The following BANP variants were observed in gnomAD, a reference collection of about 807,000 sequenced individuals.
BANP encodes the protein BTG3 associated nuclear protein.
A neutral mutation model predicts 68.1 loss-of-function variants in BANP; 11 were observed. The ratio of observed to expected loss-of-function variants is 0.16; its 90% CI spans 0.10 to 0.27. The LOEUF (loss-of-function observed/expected upper bound fraction) is 0.27. BANP is among the 10% of genes least tolerant of loss of function. The pLI is 1.00. For missense variants in BANP, 504 were observed against 722.7 expected (o/e 0.70, Z 3.47); for synonymous variants, 329 against 303.2 (o/e 1.09, Z -0.88).
intron 1 of BANP, among the ~76,000 whole-genome samples, chr16:87,967,463 ATTTG>A (rs1466194368): frequency 6.6e-6 from 1 of 150,600 alleles, no homozygotes; most frequent in African/African-American, 2.4e-5. Flanking sequence ...TTGGTTTTTG[ATTTG>A]TTTTTTTGAG....
Position 88,059,142 on chromosome 16 carries a change from C to T in BANP, c.1312-6125C>T, listed in dbSNP as rs1330102276. Among the ~76,000 whole-genome samples, 4 of 149,130 alleles carry T rather than the reference C, an allele frequency of 2.7e-5. No homozygotes were observed. In the South Asian group the frequency reaches 6.5e-4, roughly 24 times the overall value. Reference sequence around the variant, plus strand: ...GTGCTCCTGCTGGTGTGCTGAGGTCCGTGCTCCTGCTGGTGTGCTGTGGTC... The same window carrying T: ...GTGCTCCTGCTGGTGTGCTGAGGTCTGTGCTCCTGCTGGTGTGCTGTGGTC... On this transcript the variant is annotated intron_variant, in intron 11 of 13. Transcript: ENST00000682872.
At position 87,969,656 on chromosome 16, in the gene BANP, C is replaced by T. The variant is rs924365662; in HGVS notation, c.-68-5392C>T. Among the ~76,000 whole-genome samples, 6 of 152,010 alleles carry T rather than the reference C, an allele frequency of 3.9e-5. No individual in the cohort carries two copies. In the East Asian group the frequency reaches 7.8e-4, roughly 20 times the overall value. The stretch of plus-strand genomic sequence containing the variant: ...CAAGCGATTCTCCTGCCTCAGCCTC[C>T]TCAGTAGCTGGGATTACAGGCACGC... On this transcript the variant is annotated intron_variant, in intron 1 of 13. Coordinates refer to ENST00000682872, the MANE Select transcript of BANP (RefSeq NM_001386991.1).
rs2075217570 is a variant in BANP, at chr16:88,018,894, C to T, written c.895+227C>T. On this transcript the variant is annotated intron_variant, in intron 7 of 13. Transcript: ENST00000682872. This position sits in a 1 kb window ranked among gnomAD's most constrained non-coding sequence, Gnocchi z 7.7. ...CCGCACCAAAATACCTCATATACCC[C>T]ATCATATATATACCTACTGTGTACC... Among the ~76,000 whole-genome samples, 1 of 152,220 alleles carries T rather than the reference C, an allele frequency of 6.6e-6. No individual in the cohort carries two copies. The highest frequency in any genetic ancestry group is 6.5e-5 in the Admixed American group (1 of 15,288).
chr16:88,022,442 T>C (rs1160468579), intron 7 of BANP, among the ~76,000 whole-genome samples: 2 of 152,242 alleles, frequency 1.3e-5, no homozygotes, highest in Non-Finnish European at 2.9e-5. Context: ...TAAAAAGTTA[T>C]GCTTTCAGGG....
At chr16:87,971,624 C>CTTGGTGTTGTATCTTGGTGTTG (rs2061149092) in intron 1 of BANP, among the ~76,000 whole-genome samples, 1 of 149,866 alleles carries the variant, frequency 6.7e-6, no homozygotes, top group Non-Finnish European at 1.5e-5. Context: ...TCTTGGTGTT[C>CTTGGTGTTGTATCTTGGTGTTG]TGTCTTGGTG....
rs150337352 is a variant in BANP at position 87,954,089 on chromosome 16, C to G, written c.-69+2574C>G. Reference sequence around the variant, plus strand: ...GTTCCCTTGTTCTGTCTGAGAAGTTCTTCCTCTCCAGCTCTGCTCTTCTGT... The same window carrying G: ...GTTCCCTTGTTCTGTCTGAGAAGTTGTTCCTCTCCAGCTCTGCTCTTCTGT... On this transcript the variant is annotated intron_variant, in intron 1 of 13. Transcript: ENST00000682872. 6.7e-3 allele frequency among the ~76,000 whole-genome samples: 1,020 copies of G among 152,216 alleles called. 10 individuals carry two copies. Among genetic ancestry groups the G allele is most frequent in the African/African-American group, 0.023 (943 of 41,544 alleles).
rs957411734 is a variant in BANP at position 88,072,145 on chromosome 16, A to G, written c.1454A>G (p.Gln485Arg). ...AAAGVDGSPL[Q>R]GSDIQVQYVQ... ...GCGGGCGTGGATGGGTCGCCACTCC[A>G]GGGCAGCGACATCCAGGTTCAGTAC... Residue 485 changes from glutamine (Q) to arginine (R), a missense_variant, in exon 13 of 14, where the codon CAG becomes CGG. By Grantham distance (43) the Gln-to-Arg change is conservative. Around this residue, in one of 3 missense-constraint regions of BANP, gnomAD observed 223 missense variants for 246.2 expected, o/e 0.91. Coordinates refer to ENST00000682872, the MANE Select transcript of BANP (RefSeq NM_001386991.1). 1 of 1,611,286 alleles carries G rather than the reference A, an allele frequency of 6.2e-7. No individual in the cohort carries two copies. The highest frequency in any genetic ancestry group is 8.5e-7 in the Non-Finnish European group (1 of 1,179,578).
rs1028982186 is a variant in BANP at position 88,003,581 on chromosome 16, G to A, written c.363-714G>A. On this transcript the variant is annotated intron_variant, in intron 4 of 13. Coordinates refer to ENST00000682872, the MANE Select transcript of BANP (RefSeq NM_001386991.1). The surrounding 1 kb of genome is among the most constrained non-coding windows in gnomAD (Gnocchi z 6.1). ...AACTGTGGGTGAGTCTGTACTTTGA[G>A]ATGAAGCTGTGTTAGCTGCCGCCTG... 3 of 455,592 alleles carry A rather than the reference G, an allele frequency of 6.6e-6. No individual in the cohort carries two copies. The East Asian group carries it at 2.1e-4, about 32-fold the overall frequency. The allele number at this position is 455,592 out of a possible 1,614,324, so 28.2% of individuals were successfully genotyped here. A position where few individuals can be genotyped will look rare whatever the true frequency, so the allele number is the denominator to read the frequency against.
intron 11 of BANP, among the ~76,000 whole-genome samples, chr16:88,049,108 A>G (rs1340859997): frequency 2.0e-5 from 3 of 152,036 alleles, no homozygotes; most frequent in East Asian, 1.9e-4. Flanking sequence ...CCTCTAATTC[A>G]GTTCTGACAC....
intron 1 of BANP, chr16:87,960,048 C>T: frequency 6.6e-6 from 1 of 152,628 alleles, no homozygotes; most frequent in Non-Finnish European, 1.5e-5. Flanking sequence ...TCCCCGGCAC[C>T]TCCTACCCCC....
intron 1 of BANP, among the ~76,000 whole-genome samples, chr16:87,953,613 A>G (rs59927177): frequency 0.012 from 1,780 of 152,288 alleles, 35 homozygotes; most frequent in African/African-American, 0.04. Context: ...TGTTAGGCCT[A>G]TGCAAATACT....
At chr16:88,073,176 G>A (rs984160987) in intron 13 of BANP, among the ~76,000 whole-genome samples, 2 of 152,238 alleles carry the variant, frequency 1.3e-5, no homozygotes, top group African/African-American at 2.4e-5. Context: ...GCTCGGTAGA[G>A]CTCACGCTCA....
chr16:88,024,837 T>C (rs755609585), intron 7 of BANP, among the ~76,000 whole-genome samples: 2 of 152,274 alleles, frequency 1.3e-5, no homozygotes, highest in African/African-American at 2.4e-5. Context: ...ATATATTTTT[T>C]ATTTAATAAG....
chr16:88,046,033 G>T (rs536506302), intron 11 of BANP, among the ~76,000 whole-genome samples: 1 of 152,364 alleles, frequency 6.6e-6, no homozygotes, highest in African/African-American at 2.4e-5. Flanking sequence ...TCAGGGAGGG[G>T]CGGTGCACAT....
chr16:88,016,312 T>C (rs1243693007), intron 6 of BANP, among the ~76,000 whole-genome samples: 2 of 152,200 alleles, frequency 1.3e-5, no homozygotes, highest in African/African-American at 2.4e-5. Flanking sequence ...TCCTCCCACA[T>C]CTTGGGTTTC....
At chr16:88,035,551 G>A (rs1024995906) in intron 10 of BANP, among the ~76,000 whole-genome samples, 157 bp downstream of exon 10, 2 of 152,260 alleles carry the variant, frequency 1.3e-5, no homozygotes, top group African/African-American at 4.8e-5. Context: ...CACATAGCGG[G>A]CCTGCAGTCT....
chr16:88,047,255 G>A (rs564752611), intron 11 of BANP, among the ~76,000 whole-genome samples: 1 of 152,238 alleles, frequency 6.6e-6, no homozygotes, highest in South Asian at 2.1e-4. Flanking sequence ...GGGTGGGGAA[G>A]GGCCCAAAGT....
chr16:88,075,746 CTTTTTTT>C (rs34974822), intron 13 of BANP, among the ~76,000 whole-genome samples: 1 of 120,918 alleles, frequency 8.3e-6, no homozygotes, highest in East Asian at 2.4e-4. Flanking sequence ...TTTTCCTTTA[CTTTTTTT>C]TTTTTTTTTT....
chr16:88,005,941 A>T (rs2070937134), intron 5 of BANP, 149 bp from the exon 6 acceptor site: 2 of 856,690 alleles, frequency 2.3e-6, no homozygotes, highest in Admixed American at 5.0e-5. Context: ...TGGAGTTTCT[A>T]TTAATCTTGG....
Sources: allele counts gnomAD v4.1 joint callset (sites outside exome capture counted in the v4.1 genomes callset), GRCh38; gene constraint gnomAD v4.1.1; regional missense constraint gnomAD v4.1.1; non-coding constraint Gnocchi (gnomAD v3.1); transcripts MANE v1.5; gene names NCBI Gene and HGNC (gene_info 2026-07-23, HGNC 2026-07-21).